The following PTPRE variants were observed in gnomAD, a reference collection of about 807,000 sequenced individuals.
PTPRE encodes the protein protein tyrosine phosphatase receptor type E.
Under a neutral mutation model 102.0 loss-of-function variants are expected in PTPRE, and 51 were observed. The observed-to-expected ratio is 0.50, with a 90% confidence interval of 0.40 to 0.63. PTPRE has a LOEUF of 0.63. PTPRE is among the 30% of genes least tolerant of loss of function. The probability of loss-of-function intolerance (pLI) is 0.00; values close to 1 mark genes in which losing one functional copy is unlikely to be tolerated. For synonymous variants in PTPRE, 345 were observed against 348.2 expected (o/e 0.99, Z 0.10); for missense variants, 752 against 915.1 (o/e 0.82, Z 2.30).
chr10:127,931,847 C>T (rs1215341142), intron 1 of PTPRE, among the ~76,000 whole-genome samples: 4 of 152,140 alleles, frequency 2.6e-5, no homozygotes, highest in Non-Finnish European at 5.9e-5. Flanking sequence ...ATATATTTTT[C>T]TGCCTTAATC....
Position 128,070,330 on chromosome 10 carries a change from A to C in PTPRE, c.1173A>C (p.Leu391Phe), listed in dbSNP as rs1850657722. 2 of 1,613,568 alleles carry C rather than the reference A, an allele frequency of 1.2e-6. No individual in the cohort carries two copies. The highest frequency in any genetic ancestry group is 1.7e-6 in the Non-Finnish European group (2 of 1,179,868). Reference protein sequence around the residue: ...DMQYTFIYQALLEYYLYGDTE... With the variant: ...DMQYTFIYQAFLEYYLYGDTE... Reference sequence around the variant, plus strand: ...AGTACACGTTCATCTACCAAGCCTTACTCGAGTACTACCTCTACGGGGACA... The same window carrying C: ...AGTACACGTTCATCTACCAAGCCTTCCTCGAGTACTACCTCTACGGGGACA... Residue 391 changes from leucine to phenylalanine, a missense_variant, in exon 14 of 21, where the codon TTA becomes TTC. Around this residue, in one of 2 missense-constraint regions of PTPRE, gnomAD observed 636 missense variants for 824.4 expected, o/e 0.77. Coordinates refer to ENST00000254667, the MANE Select transcript of PTPRE (RefSeq NM_006504.6). This position sits in a 1 kb window ranked among gnomAD's most constrained non-coding sequence, Gnocchi z 4.8.
In PTPRE at chr10:128,070,455, G is replaced by T. The variant is rs754800784; in HGVS notation, c.1293+5G>T. 6.2e-7 allele frequency: 1 copy of T among 1,612,044 alleles called. No individual in the cohort carries two copies. Among genetic ancestry groups the T allele is most frequent in the Non-Finnish European group, 8.5e-7 (1 of 1,179,226 alleles). The stretch of plus-strand genomic sequence containing the variant: ...GGGCTGGAGGAGGAGTTCAGGGTGA[G>T]TACAGCTGACCCTCCTCTCCATCCT... On this transcript the variant is annotated splice_donor_5th_base_variant and intron_variant, in intron 14 of 20. Coordinates refer to ENST00000254667, the MANE Select transcript of PTPRE (RefSeq NM_006504.6). The surrounding 1 kb of genome is among the most constrained non-coding windows in gnomAD (Gnocchi z 4.8).
At chr10:127,948,471 A>G (rs1463513553) in intron 1 of PTPRE, among the ~76,000 whole-genome samples, 1 of 152,168 alleles carries the variant, frequency 6.6e-6, no homozygotes, top group African/African-American at 2.4e-5. Flanking sequence ...GTCATATAGA[A>G]TGGTTTTACT....
intron 2 of PTPRE, among the ~76,000 whole-genome samples, chr10:128,039,378 G>A (rs974718124): frequency 5.9e-5 from 9 of 151,974 alleles, no homozygotes; most frequent in African/African-American, 1.9e-4. Context: ...GTTATTGTGC[G>A]GATAATACAG....
At position 128,076,922 on chromosome 10, in the gene PTPRE, G is replaced by A. The variant is rs181521888; in HGVS notation, c.1725+194G>A. On this transcript the variant is annotated intron_variant, in intron 18 of 20. Coordinates refer to ENST00000254667, the MANE Select transcript of PTPRE (RefSeq NM_006504.6). ...CTGTACAATTCCCATCTCCCTAGCT[G>A]CCTACCTCCCATTTATCTCTCAGGA... Among the ~76,000 whole-genome samples, 3 of 152,220 alleles carry A rather than the reference G, an allele frequency of 2.0e-5. No homozygotes were observed. In the East Asian group the frequency reaches 5.8e-4, roughly 29 times the overall value.
chr10:128,064,804 A>G (rs1849914503), intron 10 of PTPRE, among the ~76,000 whole-genome samples: 1 of 152,010 alleles, frequency 6.6e-6, no homozygotes, highest in African/African-American at 2.4e-5. Context: ...CTTTTTCTTA[A>G]TTGCTCACAC....
intron 2 of PTPRE, among the ~76,000 whole-genome samples, chr10:128,022,884 G>A (rs1564894124): frequency 1.3e-5 from 2 of 152,200 alleles, no homozygotes; most frequent in Admixed American, 1.3e-4. Flanking sequence ...AGTCACCCTT[G>A]GAATTGTAGT....
chr10:128,033,554 T>C (rs1262143006), intron 2 of PTPRE, among the ~76,000 whole-genome samples: 2 of 152,230 alleles, frequency 1.3e-5, no homozygotes, highest in Non-Finnish European at 2.9e-5. Flanking sequence ...GTGGGGGAAT[T>C]ATGAATATGA....
At chr10:127,918,285 G>A (rs902298709) in intron 1 of PTPRE, among the ~76,000 whole-genome samples, 5 of 152,090 alleles carry the variant, frequency 3.3e-5, no homozygotes, top group African/African-American at 7.2e-5. Flanking sequence ...TCGGCCTGGT[G>A]CAGTGGCTCA....
chr10:127,948,877 A>T (rs1317873264), intron 1 of PTPRE, among the ~76,000 whole-genome samples: 1 of 152,214 alleles, frequency 6.6e-6, no homozygotes, highest in Non-Finnish European at 1.5e-5. Context: ...GCCTGAGTGA[A>T]TTAGGTGGAG....
chr10:128,040,984 A>G lies in PTPRE; in HGVS notation c.103A>G (p.Thr35Ala), dbSNP rs764817797. Residue 35 changes from threonine to alanine, a missense_variant, in exon 3 of 21, where the codon ACC becomes GCC. By Grantham distance (58) the Thr-to-Ala change is moderately conservative. Transcript: ENST00000254667. ...TTADSNETTTTSGPPDPGASQ... is the reference protein window; with the variant it reads ...TTADSNETTTASGPPDPGASQ... ...TGCCGACAGCAACGAGACAACCACG[A>G]CCTCAGGTAAGGACCCCTTTCCCTG... 1.2e-6 allele frequency: 2 copies of G among 1,613,926 alleles called. No homozygotes were observed. The highest frequency in any genetic ancestry group is 8.5e-7 in the Non-Finnish European group (1 of 1,179,938).
chr10:127,996,928 C>T (rs974037485), intron 2 of PTPRE, among the ~76,000 whole-genome samples: 1 of 152,058 alleles, frequency 6.6e-6, no homozygotes, highest in East Asian at 1.9e-4. Context: ...AAACAACAAA[C>T]CTTCTCAGCC....
At chr10:127,940,355 A>G (rs2135286713) in intron 1 of PTPRE, among the ~76,000 whole-genome samples, 1 of 152,194 alleles carries the variant, frequency 6.6e-6, no homozygotes, top group East Asian at 1.9e-4. Context: ...AGCCCAGCCA[A>G]CCCCTAGGAC....
At chr10:127,959,499 A>G (rs1378862458) in intron 1 of PTPRE, among the ~76,000 whole-genome samples, 1 of 152,200 alleles carries the variant, frequency 6.6e-6, no homozygotes, top group African/African-American at 2.4e-5. Context: ...ATCCCCAATA[A>G]CTCAGACTCA....
intron 2 of PTPRE, among the ~76,000 whole-genome samples, chr10:128,020,066 G>T (rs1166866701): frequency 6.6e-6 from 1 of 152,152 alleles, no homozygotes; most frequent in Non-Finnish European, 1.5e-5. Context: ...ACGTGTGTGT[G>T]TGTGTGTGTG....
At chr10:128,063,315 T>C in intron 10 of PTPRE, 135 bp downstream of exon 10, 3 of 1,449,162 alleles carry the variant, frequency 2.1e-6, no homozygotes, top group African/African-American at 1.4e-5. Context: ...CCCAAACACA[T>C]GCAGTGGCTT....
chr10:128,038,047 C>T (rs141764416), intron 2 of PTPRE, among the ~76,000 whole-genome samples: 47 of 151,574 alleles, frequency 3.1e-4, no homozygotes, highest in Non-Finnish European at 4.1e-4. Context: ...ATGATCCACC[C>T]GCCTCGGCCT....
chr10:127,999,991 G>C (rs1853701857), intron 2 of PTPRE: 20 of 982,562 alleles, frequency 2.0e-5, no homozygotes, highest in Non-Finnish European at 2.4e-5. Flanking sequence ...CAGCGCAGAC[G>C]CGGAAAGGGA....
chr10:128,002,758 A>G (rs1482270086), intron 2 of PTPRE, among the ~76,000 whole-genome samples: 1 of 118,958 alleles, frequency 8.4e-6, no homozygotes, highest in Non-Finnish European at 1.6e-5. Flanking sequence ...GCTGGAGTGC[A>G]GTGGTGCGAT....
Sources: gnomAD v4.1 joint callset for allele counts (sites outside exome capture counted in the v4.1 genomes callset) on GRCh38, gnomAD v4.1.1 for gene constraint, gnomAD v4.1.1 regional missense constraint, Gnocchi (gnomAD v3.1) non-coding constraint, MANE v1.5 for transcripts, NCBI Gene and HGNC (gene_info 2026-07-23, HGNC 2026-07-21) for gene names.